Variants in THSD7A observed in about 807,000 individuals in gnomAD.
The protein encoded by THSD7A is thrombospondin type-1 domain-containing protein 7A.
A neutral mutation model predicts 231.3 loss-of-function variants in THSD7A; 96 were observed. That is an observed-to-expected ratio of 0.41 (90% CI 0.35 to 0.49). The LOEUF is 0.49. THSD7A is among the 20% of genes least tolerant of loss of function. The pLI is 0.05. For missense variants in THSD7A, 2,290 were observed against 2,070.2 expected, an observed-to-expected ratio of 1.11 and a Z score of -2.06; for synonymous variants, 940 against 743.3, an observed-to-expected ratio of 1.26 and a Z score of -4.30.
intron 1 of THSD7A, among the ~76,000 whole-genome samples, chr7:11,743,889 T>C (rs1440201909): frequency 1.3e-5 from 2 of 151,956 alleles, no homozygotes; most frequent in African/African-American, 2.4e-5. Context: ...ATCATAGCAA[T>C]GTACTTGAAC....
At chr7:11,815,212 C>A (rs772324505) in intron 1 of THSD7A, among the ~76,000 whole-genome samples, 1 of 151,786 alleles carries the variant, frequency 6.6e-6, no homozygotes, top group Admixed American at 6.6e-5. Flanking sequence ...TTTTGGCCCA[C>A]TAGATGTTGC....
intron 16 of THSD7A, among the ~76,000 whole-genome samples, chr7:11,423,766 T>A (rs1013984097): frequency 1.1e-4 from 17 of 152,254 alleles, no homozygotes; most frequent in Admixed American, 1.0e-3. Context: ...TGGGTATTCT[T>A]GGTACATTAT....
At chr7:11,472,420 C>G (rs1310538399) in intron 8 of THSD7A, among the ~76,000 whole-genome samples, 1 of 151,968 alleles carries the variant, frequency 6.6e-6, no homozygotes, top group Non-Finnish European at 1.5e-5. Flanking sequence ...GTTCATATAC[C>G]TAGTATTAGA....
chr7:11,546,190 G>C (rs530661840), intron 4 of THSD7A, among the ~76,000 whole-genome samples: 1 of 71,844 alleles, frequency 1.4e-5, no homozygotes, highest in African/African-American at 7.6e-5. Flanking sequence ...GTTGTTGCTG[G>C]TGTGGGCGCG....
chr7:11,429,863 C>CA, intron 13 of THSD7A, among the ~76,000 whole-genome samples: 1 of 152,326 alleles, frequency 6.6e-6, no homozygotes, highest in South Asian at 2.1e-4. Flanking sequence ...ATCCAGTACT[C>CA]ATTCCATCAA....
chr7:11,504,077 A>G (rs1462039275), intron 6 of THSD7A, among the ~76,000 whole-genome samples: 3 of 152,218 alleles, frequency 2.0e-5, no homozygotes, highest in African/African-American at 7.2e-5. Flanking sequence ...CATCAATGAC[A>G]GACTGGATAA....
At chr7:11,729,839 T>A (rs1237031610) in intron 1 of THSD7A, among the ~76,000 whole-genome samples, 1 of 151,784 alleles carries the variant, frequency 6.6e-6, no homozygotes, top group Non-Finnish European at 1.5e-5. Flanking sequence ...TACACTTATG[T>A]TTGGAAACAA....
At chr7:11,790,370 T>G (rs957396698) in intron 1 of THSD7A, among the ~76,000 whole-genome samples, 4 of 151,962 alleles carry the variant, frequency 2.6e-5, no homozygotes, top group African/African-American at 9.7e-5. Flanking sequence ...GTAGAGAGAT[T>G]TGCTGTGGCT....
intron 1 of THSD7A, among the ~76,000 whole-genome samples, chr7:11,796,419 G>T (rs1361879256): frequency 6.6e-6 from 1 of 151,142 alleles, no homozygotes; most frequent in Non-Finnish European, 1.5e-5. Flanking sequence ...TACAGCTCTC[G>T]ACAGAAATCC....
At chr7:11,630,960 A>C (rs536683093) in intron 2 of THSD7A, among the ~76,000 whole-genome samples, 2 of 152,134 alleles carry the variant, frequency 1.3e-5, no homozygotes, top group South Asian at 4.1e-4. Context: ...TCCTCTCCCT[A>C]CTCCTCCTCC....
At chr7:11,723,356 A>G (rs973879355) in intron 1 of THSD7A, among the ~76,000 whole-genome samples, 6 of 151,682 alleles carry the variant, frequency 4.0e-5, no homozygotes, top group African/African-American at 7.3e-5. Context: ...GGATAGCATT[A>G]GGTGGTATAC....
chr7:11,406,290 C>A lies in THSD7A; in HGVS notation c.4237+10G>T. 1 of 1,597,442 alleles carries A rather than the reference C, an allele frequency of 6.3e-7. No individual in the cohort carries two copies. On this transcript the variant is annotated intron_variant, in intron 22 of 27. Transcript: ENST00000423059. The surrounding 1 kb of genome is among the most constrained non-coding windows in gnomAD (Gnocchi z 4.7). ...TAATCAGAATATGAATTCTCCTTTG[C>A]CGTTGTTACCTGGGCAAGGCTGGCT...
chr7:11,397,466 A>C (rs1233271403), intron 23 of THSD7A, among the ~76,000 whole-genome samples: 1 of 152,210 alleles, frequency 6.6e-6, no homozygotes, highest in African/African-American at 2.4e-5. Context: ...CCGTAGAAGA[A>C]AACCTAGGCA....
intron 2 of THSD7A, among the ~76,000 whole-genome samples, chr7:11,630,104 C>T (rs1194965374): frequency 1.3e-5 from 2 of 152,158 alleles, no homozygotes; most frequent in Non-Finnish European, 2.9e-5. Context: ...AGCTTCACAA[C>T]TGTTATAAAG....
Position 11,636,675 on chromosome 7 carries a change from C to T in THSD7A, c.477G>A (p.Ala159=), listed in dbSNP as rs557074011. 7.4e-6 allele frequency: 12 copies of T among 1,613,992 alleles called. No homozygotes were observed. Among genetic ancestry groups the T allele is most frequent in the South Asian group, 3.3e-5 (3 of 91,086 alleles). ...GEEGIQVREI[A]CIQKDKDIPA... is the part of the protein sequence containing the mutation. The stretch of plus-strand genomic sequence containing the variant: ...GAATGTCTTTGTCTTTCTGGATGCA[C>T]GCTATCTCCCTCACCTGAATACCTT... Residue 159 remains alanine, a synonymous_variant, in exon 2 of 28, where the codon GCG becomes GCA. Transcript: ENST00000423059. This position sits in a 1 kb window ranked among gnomAD's most constrained non-coding sequence, Gnocchi z 10.0.
chr7:11,446,155 GTCT>G lies in THSD7A; in HGVS notation c.2967_2969del (p.Asp990del), dbSNP rs1160576727. ...GATATCCTTGTCCGCATTCCTTGAT[GTCT>G]CCTTGTACTTTCATTCCCAGCAACA... On this transcript the variant is annotated inframe_deletion, in exon 13 of 28. Coordinates refer to ENST00000423059, the MANE Select transcript of THSD7A (RefSeq NM_015204.3). This position sits in a 1 kb window ranked among gnomAD's most constrained non-coding sequence, Gnocchi z 4.0. The G allele has an allele frequency of 6.2e-7, 1 of 1,613,460 alleles. No homozygotes were observed. The highest frequency in any genetic ancestry group is 1.7e-5 in the Admixed American group (1 of 59,908).
At position 11,588,937 on chromosome 7, in the gene THSD7A, C is replaced by A. The variant is rs188796308; in HGVS notation, c.1453+1523G>T. On this transcript the variant is annotated intron_variant, in intron 4 of 27. Transcript: ENST00000423059. ...CTAGACTCCTAAATGAGTTGACATG[C>A]TGTGTAAAGTTAGTGGATACAGAAC... Among the ~76,000 whole-genome samples the A allele has an allele frequency of 1.2e-3, 182 of 152,282 alleles. 1 individual carries two copies. The highest frequency in any genetic ancestry group is 1.7e-3 in the Non-Finnish European group (117 of 68,024).
chr7:11,762,442 G>C (rs1020912547), intron 1 of THSD7A, among the ~76,000 whole-genome samples: 2 of 152,152 alleles, frequency 1.3e-5, no homozygotes, highest in Non-Finnish European at 2.9e-5. Context: ...ACTGGTATGA[G>C]ATGGTATCTT....
At chr7:11,687,985 G>A (rs1780112820) in intron 1 of THSD7A, among the ~76,000 whole-genome samples, 1 of 151,272 alleles carries the variant, frequency 6.6e-6, no homozygotes, top group South Asian at 2.1e-4. Context: ...ATGTATACAT[G>A]TGCCATGTTG....
Sources: gnomAD v4.1 joint callset for allele counts (sites outside exome capture counted in the v4.1 genomes callset) on GRCh38, gnomAD v4.1.1 for gene constraint, Gnocchi (gnomAD v3.1) non-coding constraint, MANE v1.5 for transcripts, NCBI Gene and HGNC (gene_info 2026-07-23, HGNC 2026-07-21) for gene names.